Variants in PLCG2 observed in about 807,000 individuals in gnomAD.
The protein encoded by PLCG2 is phospholipase C gamma 2.
A neutral mutation model predicts 175.6 loss-of-function variants in PLCG2; 69 were observed. The observed-to-expected ratio is 0.39, with a 90% CI of 0.32 to 0.48. The LOEUF (loss-of-function observed/expected upper bound fraction) is 0.48. PLCG2 is among the 20% of genes least tolerant of loss of function. PLCG2 has a pLI of 0.91. For missense variants in PLCG2, 1,798 were observed against 1,650.9 expected, an observed-to-expected ratio of 1.09 and a Z score of -1.54; for synonymous variants, 827 against 624.0, an observed-to-expected ratio of 1.33 and a Z score of -4.85.
Position 81,895,835 on chromosome 16 carries a change from G to A in PLCG2, c.1101G>A (p.Lys367=). The change falls in exon 13 of 33, where the codon AAG becomes AAA. Residue 367 remains lysine, a synonymous_variant. Transcript: ENST00000564138. ...ELDCWDGPDG[K]PVIYHGWTRT... ...ACTGCTGGGACGGGCCCGATGGGAA[G>A]CCGGTCATCTACCATGGCTGGACGC... 1 of 1,614,150 alleles carries A rather than the reference G, an allele frequency of 6.2e-7. No individual in the cohort carries two copies. The highest frequency in any genetic ancestry group is 8.5e-7 in the Non-Finnish European group (1 of 1,180,008).
intron 5 of PLCG2, among the ~76,000 whole-genome samples, chr16:81,859,771 T>C (rs961246319): frequency 4.6e-5 from 7 of 152,070 alleles, no homozygotes; most frequent in Admixed American, 1.3e-4. Context: ...CTCCTGACCT[T>C]GTGATCCGCC....
intron 3 of PLCG2, among the ~76,000 whole-genome samples, chr16:81,856,434 T>A (rs1445772972): frequency 6.6e-6 from 1 of 152,090 alleles, no homozygotes; most frequent in Non-Finnish European, 1.5e-5. Context: ...TCTTAACCAC[T>A]CCTCAATGCC....
intron 25 of PLCG2, among the ~76,000 whole-genome samples, chr16:81,933,943 C>A (rs1910607482): frequency 6.6e-6 from 1 of 152,192 alleles, no homozygotes; most frequent in Non-Finnish European, 1.5e-5. Context: ...GTAGTGGTCC[C>A]CTTGGACAGA....
upstream of PLCG2, among the ~76,000 whole-genome samples, chr16:81,775,609 C>G (rs1451358704): frequency 2.6e-5 from 4 of 152,130 alleles, no homozygotes; most frequent in Admixed American, 6.5e-5. Flanking sequence ...CCCAGAGAGG[C>G]TAATGGTCCA....
At chr16:81,934,630 A>G (rs2143721918) in intron 26 of PLCG2, 99 bp downstream of exon 26, 1 of 758,040 alleles carries the variant, frequency 1.3e-6, no homozygotes, top group Non-Finnish European at 2.3e-6. Context: ...GCATTCTCTC[A>G]TTCTTAACTA....
At chr16:81,935,253 C>G (rs1394842151) in intron 26 of PLCG2, among the ~76,000 whole-genome samples, 1 of 150,958 alleles carries the variant, frequency 6.6e-6, no homozygotes, top group Non-Finnish European at 1.5e-5. Flanking sequence ...TGGCCTTCTC[C>G]TCTTCTGCTT....
intron 5 of PLCG2, among the ~76,000 whole-genome samples, chr16:81,868,979 C>T (rs1907379653): frequency 6.6e-6 from 1 of 152,252 alleles, no homozygotes; most frequent in Admixed American, 6.5e-5. Context: ...GGGGCATCAC[C>T]CTACCCTGTG....
At chr16:81,942,462 GGGAGGAATGAAATA>G (rs1310063237) in intron 30 of PLCG2, among the ~76,000 whole-genome samples, 1 of 152,162 alleles carries the variant, frequency 6.6e-6, no homozygotes. Context: ...CCATATTCAT[GGGAGGAATGAAATA>G]GAATGAACAG....
At chr16:81,893,373 G>C (rs992001700) in intron 11 of PLCG2, among the ~76,000 whole-genome samples, 1 of 152,138 alleles carries the variant, frequency 6.6e-6, no homozygotes, top group East Asian at 1.9e-4. Context: ...AGCGGCCATG[G>C]GGCCTTGTTA....
chr16:81,854,164 C>G (rs1010521171), intron 2 of PLCG2, among the ~76,000 whole-genome samples: 4 of 152,012 alleles, frequency 2.6e-5, no homozygotes, highest in East Asian at 1.9e-4. Flanking sequence ...AATTAATTGT[C>G]CTAGTTTAAA....
intron 2 of PLCG2, among the ~76,000 whole-genome samples, chr16:81,843,131 G>C (rs1379701209): frequency 6.6e-6 from 1 of 152,174 alleles, no homozygotes; most frequent in Non-Finnish European, 1.5e-5. Context: ...GCCCCACCAT[G>C]CAAGAGTGCA....
At chr16:81,824,968 C>G (rs1904980694) in intron 2 of PLCG2, among the ~76,000 whole-genome samples, 1 of 152,126 alleles carries the variant, frequency 6.6e-6, no homozygotes, top group Non-Finnish European at 1.5e-5. Context: ...GGAGAGAGAG[C>G]AGGATTCTGG....
intron 1 of PLCG2, among the ~76,000 whole-genome samples, chr16:81,753,249 C>T (rs757506411): frequency 9.2e-5 from 14 of 152,116 alleles, no homozygotes; most frequent in Non-Finnish European, 1.9e-4. Flanking sequence ...TTAGTTTTCC[C>T]ACTCACAGCC....
intron 18 of PLCG2, among the ~76,000 whole-genome samples, chr16:81,911,312 C>T (rs759380920): frequency 1.3e-5 from 2 of 151,972 alleles, no homozygotes; most frequent in Admixed American, 6.6e-5. Flanking sequence ...AGAAATAACC[C>T]GAAAACAACC....
At chr16:81,854,091 C>T (rs1201680598) in intron 2 of PLCG2, among the ~76,000 whole-genome samples, 1 of 137,024 alleles carries the variant, frequency 7.3e-6, no homozygotes, top group Non-Finnish European at 1.7e-5. Context: ...TCAATTTGGT[C>T]TCTTGTTTTT....
chr16:81,881,162 G>T (rs1460832146), intron 8 of PLCG2, among the ~76,000 whole-genome samples: 1 of 151,726 alleles, frequency 6.6e-6, no homozygotes, highest in Non-Finnish European at 1.5e-5. Context: ...CTGGGAGGAT[G>T]GTCCAGAAAG....
At chr16:81,843,735 A>G (rs1905957542) in intron 2 of PLCG2, among the ~76,000 whole-genome samples, 1 of 152,204 alleles carries the variant, frequency 6.6e-6, no homozygotes, top group South Asian at 2.1e-4. Flanking sequence ...CAATGAAATG[A>G]TCTGCTTAAA....
At chr16:81,785,475 AGTTT>A (rs1378382770) in intron 1 of PLCG2, among the ~76,000 whole-genome samples, 8 of 143,520 alleles carry the variant, frequency 5.6e-5, no homozygotes. Flanking sequence ...CTGAAGGTTT[AGTTT>A]GTTTTTCGTT....
chr16:81,935,874 A>G (rs980055532), intron 26 of PLCG2: 28 of 984,796 alleles, frequency 2.8e-5, no homozygotes, highest in Middle Eastern at 5.2e-4. Flanking sequence ...TAACTGTACC[A>G]CTTTTGTGTT....
Sources: allele counts gnomAD v4.1 joint callset (sites outside exome capture counted in the v4.1 genomes callset), GRCh38; gene constraint gnomAD v4.1.1; transcripts MANE v1.5; gene names NCBI Gene and HGNC (gene_info 2026-07-23, HGNC 2026-07-21).